The following BRAF variants were observed in gnomAD, a reference collection of about 807,000 sequenced individuals.
BRAF encodes the protein serine/threonine-protein kinase B-raf.
In BRAF, 16 loss-of-function variants were observed where a neutral mutation model predicts 104.6. The ratio of observed to expected loss-of-function variants is 0.15; its 90% CI spans 0.10 to 0.23. BRAF has a LOEUF of 0.23. BRAF is among the 10% of genes least tolerant of loss of function. The pLI is 1.00. For missense variants in BRAF, 541 were observed against 937.3 expected (o/e 0.58, Z 5.52); for synonymous variants, 310 against 341.6 (o/e 0.91, Z 1.02).
chr7:140,915,927 G>A lies in BRAF; in HGVS notation c.138+8639C>T, dbSNP rs544611368. On this transcript the variant is annotated intron_variant, in intron 1 of 19. Coordinates refer to ENST00000644969, the MANE Select transcript of BRAF (RefSeq NM_001374258.1). ...TAATCCCAGCACTCTGGGAAGGACT[G>A]CTTGAGCCCAGGATTTCGAGACTAG... 2.2e-4 allele frequency among the ~76,000 whole-genome samples: 34 copies of A among 152,122 alleles called. 1 individual carries two copies. The South Asian group carries it at 7.1e-3, about 32-fold the overall frequency.
intron 1 of BRAF, among the ~76,000 whole-genome samples, chr7:140,921,184 G>T (rs2129148866): frequency 6.6e-6 from 1 of 152,042 alleles, no homozygotes; most frequent in Admixed American, 6.6e-5. Context: ...TATCACTCTG[G>T]TATCACACTT....
At chr7:140,808,180 C>T in intron 4 of BRAF, 118 bp from the exon 5 acceptor site, 1 of 771,774 alleles carries the variant, frequency 1.3e-6, no homozygotes, top group Non-Finnish European at 2.3e-6. Flanking sequence ...GGAGGTTTGG[C>T]TCCCTAATAT....
intron 2 of BRAF, among the ~76,000 whole-genome samples, chr7:140,840,514 G>C (rs1436965460): frequency 6.6e-6 from 1 of 152,030 alleles, no homozygotes; most frequent in Non-Finnish European, 1.5e-5. Flanking sequence ...CTCCTGGCCA[G>C]GTGCGGTGGC....
intron 2 of BRAF, among the ~76,000 whole-genome samples, chr7:140,842,312 A>G (rs1808050702): frequency 6.6e-6 from 1 of 152,228 alleles, no homozygotes; most frequent in African/African-American, 2.4e-5. Context: ...TTATAAAATG[A>G]AAATGAGAAT....
chr7:140,885,228 C>G (rs1813427645), intron 1 of BRAF, among the ~76,000 whole-genome samples: 1 of 152,064 alleles, frequency 6.6e-6, no homozygotes, highest in Non-Finnish European at 1.5e-5. Flanking sequence ...GTCTTGAACT[C>G]CTGACCTCAA....
At chr7:140,787,976 C>A (rs1801568262) in intron 8 of BRAF, among the ~76,000 whole-genome samples, 1 of 151,946 alleles carries the variant, frequency 6.6e-6, no homozygotes, top group Non-Finnish European at 1.5e-5. Context: ...CATACTGGGG[C>A]CTGTTGGAGG....
Position 140,730,610 on chromosome 7 carries a change from C to T in BRAF, c.2401+4007G>A, listed in dbSNP as rs189189604. The T allele has an allele frequency of 9.0e-4, 137 of 151,910 alleles. 2 individuals carry two copies. In the East Asian group the frequency reaches 0.013, roughly 14 times the overall value. The allele number at this position is 151,910 out of a possible 1,614,324, so 9.4% of individuals were successfully genotyped here. A position where few individuals can be genotyped will look rare whatever the true frequency, so the allele number is the denominator to read the frequency against. On this transcript the variant is annotated intron_variant, in intron 19 of 19. Coordinates refer to ENST00000644969, the MANE Select transcript of BRAF (RefSeq NM_001374258.1). The stretch of plus-strand genomic sequence containing the variant: ...TCGAACTGGCCTCAAGTAATCCACC[C>T]GCCTCAGCCTCCCAAAGTGCTGGGA...
intron 7 of BRAF, among the ~76,000 whole-genome samples, chr7:140,797,113 C>T (rs921903283): frequency 9.2e-5 from 14 of 152,134 alleles, no homozygotes; most frequent in African/African-American, 3.4e-4. Flanking sequence ...CCAATGATAC[C>T]TGTACCTATC....
chr7:140,808,162 A>G (rs1023561431), intron 4 of BRAF, 100 bp from the exon 5 acceptor site: 2 of 888,950 alleles, frequency 2.2e-6, no homozygotes, highest in African/African-American at 3.3e-5. Flanking sequence ...GGGGCTAGTA[A>G]CAGTGAGGGA....
At chr7:140,766,184 G>C (rs553006344) in intron 14 of BRAF, among the ~76,000 whole-genome samples, 1 of 151,708 alleles carries the variant, frequency 6.6e-6, no homozygotes, top group Non-Finnish European at 1.5e-5. Context: ...GTAAACTATC[G>C]CAAGGACAAA....
chr7:140,891,286 G>C (rs2129116781), intron 1 of BRAF, among the ~76,000 whole-genome samples: 1 of 152,268 alleles, frequency 6.6e-6, no homozygotes, highest in South Asian at 2.1e-4. Flanking sequence ...GGAGTATACA[G>C]TCATTCCTCC....
chr7:140,857,158 T>C (rs1809875127), intron 1 of BRAF, among the ~76,000 whole-genome samples: 1 of 152,110 alleles, frequency 6.6e-6, no homozygotes, highest in East Asian at 1.9e-4. Context: ...AGCATACTTA[T>C]AAGAGGGAAA....
Position 140,852,899 on chromosome 7 carries a change from C to T in BRAF, c.139-2687G>A, listed in dbSNP as rs115915991. Among the ~76,000 whole-genome samples the T allele has an allele frequency of 3.3e-3, 496 of 152,226 alleles. 3 individuals carry two copies. The highest frequency in any genetic ancestry group is 0.011 in the African/African-American group (474 of 41,558). ...AATAAGCTCCCTTCTTTGAGTAAACCAAAAACTTCAGCATCATCCTTGACT... is the reference window on the plus strand; with the variant it reads ...AATAAGCTCCCTTCTTTGAGTAAACTAAAAACTTCAGCATCATCCTTGACT... On this transcript the variant is annotated intron_variant, in intron 1 of 19. Transcript: ENST00000644969.
At chr7:140,749,640 C>A (rs1001175837) in intron 16 of BRAF, among the ~76,000 whole-genome samples, 1 of 152,136 alleles carries the variant, frequency 6.6e-6, no homozygotes, top group Non-Finnish European at 1.5e-5. Context: ...TATTGTATTA[C>A]TAAGATTTTA....
rs1331824756 is a variant in BRAF at position 140,760,373 on chromosome 7, A to G, written c.1815-6140T>C. Among the ~76,000 whole-genome samples, 4 of 150,468 alleles carry G rather than the reference A, an allele frequency of 2.7e-5. No individual in the cohort carries two copies. The Admixed American group carries it at 2.7e-4, about 10-fold the overall frequency. ...GGTTGTAGTGAGCTGAGATCATGCC[A>G]TTGTACTCCAGCCTGAGGGACAGAG... is the stretch of plus-strand genomic sequence containing the variant. On this transcript the variant is annotated intron_variant, in intron 14 of 19. Transcript: ENST00000644969.
chr7:140,801,684 C>T, intron 5 of BRAF, 124 bp from the exon 6 acceptor site: 1 of 1,065,164 alleles, frequency 9.4e-7, no homozygotes, highest in Admixed American at 2.4e-5. Flanking sequence ...AACTCACATA[C>T]TAAAGTACTA....
intron 2 of BRAF, 34 bp downstream of exon 2, chr7:140,850,077 T>G (rs747903444): frequency 6.8e-7 from 1 of 1,462,376 alleles, no homozygotes; most frequent in Non-Finnish European, 9.5e-7. Flanking sequence ...TTTTTTCTTT[T>G]CAAAATTACT....
intron 1 of BRAF, among the ~76,000 whole-genome samples, chr7:140,915,808 TAA>T (rs1291782154): frequency 6.6e-6 from 1 of 151,742 alleles, no homozygotes; most frequent in Non-Finnish European, 1.5e-5. Context: ...GAACAATAGT[TAA>T]AAATAGTCTG....
intron 19 of BRAF, among the ~76,000 whole-genome samples, chr7:140,727,683 C>A (rs1045287067): frequency 6.6e-6 from 1 of 151,728 alleles, no homozygotes; most frequent in Non-Finnish European, 1.5e-5. Context: ...TGCAGTGGTG[C>A]GATCTCGGCT....
Sources: gnomAD v4.1 joint callset for allele counts (sites outside exome capture counted in the v4.1 genomes callset) on GRCh38, gnomAD v4.1.1 for gene constraint, MANE v1.5 for transcripts, NCBI Gene and HGNC (gene_info 2026-07-23, HGNC 2026-07-21) for gene names.